The following MACROD2 variants were observed in gnomAD, a reference collection of about 807,000 sequenced individuals.
MACROD2 encodes the protein ADP-ribose glycohydrolase MACROD2.
In MACROD2, 36 loss-of-function variants were observed where a neutral mutation model predicts 70.4. The ratio of observed to expected loss-of-function variants is 0.51; its 90% CI spans 0.39 to 0.68. MACROD2 has a LOEUF of 0.68. Among genes scored for constraint, MACROD2 ranks in the 30% least tolerant of loss-of-function variants. MACROD2 has a pLI of 0.00. For missense variants in MACROD2, 496 were observed against 538.4 expected (o/e 0.92, Z 0.78); for synonymous variants, 172 against 178.8 (o/e 0.96, Z 0.30).
intron 4 of MACROD2, among the ~76,000 whole-genome samples, chr20:14,525,505 A>G (rs991073976): frequency 6.6e-6 from 1 of 152,234 alleles, no homozygotes; most frequent in Non-Finnish European, 1.5e-5. Context: ...CACAGTGAAG[A>G]AGAGTGAGGG....
At chr20:15,091,029 C>A (rs112434774) in intron 5 of MACROD2, among the ~76,000 whole-genome samples, 26 of 152,044 alleles carry the variant, frequency 1.7e-4, no homozygotes, top group African/African-American at 6.0e-4. Context: ...CACCCACCTC[C>A]CCAACTATAG....
chr20:15,005,605 T>C (rs1029155246), intron 5 of MACROD2, among the ~76,000 whole-genome samples: 1 of 152,160 alleles, frequency 6.6e-6, no homozygotes, highest in Admixed American at 6.5e-5. Flanking sequence ...GCTCATCTCC[T>C]TTATCCCCCA....
chr20:15,536,290 C>A (rs1027583747), intron 8 of MACROD2, among the ~76,000 whole-genome samples: 1 of 152,130 alleles, frequency 6.6e-6, no homozygotes, highest in Non-Finnish European at 1.5e-5. Flanking sequence ...TGGTGAAATT[C>A]TTTTTATCAC....
chr20:15,040,659 C>T (rs2075349172), intron 5 of MACROD2, among the ~76,000 whole-genome samples: 1 of 152,172 alleles, frequency 6.6e-6, no homozygotes, highest in Non-Finnish European at 1.5e-5. Flanking sequence ...TACTTTTCTT[C>T]TATGGGTTTA....
intron 8 of MACROD2, among the ~76,000 whole-genome samples, chr20:15,708,029 A>G (rs910703470): frequency 6.6e-6 from 1 of 151,966 alleles, no homozygotes; most frequent in Non-Finnish European, 1.5e-5. Context: ...CAGAAGAAGC[A>G]GAAAATGCAG....
intron 5 of MACROD2, among the ~76,000 whole-genome samples, chr20:15,120,958 G>T (rs189524956): frequency 6.6e-6 from 1 of 152,114 alleles, no homozygotes; most frequent in Non-Finnish European, 1.5e-5. Flanking sequence ...ATCCAGAAGC[G>T]CTGTCGGAAA....
chr20:15,747,313 A>C (rs1600836571), intron 8 of MACROD2, among the ~76,000 whole-genome samples: 1 of 152,176 alleles, frequency 6.6e-6, no homozygotes, highest in African/African-American at 2.4e-5. Flanking sequence ...CAAAGACTGC[A>C]GTGCATTGGC....
At chr20:14,370,915 AAATT>A (rs900807533) in intron 3 of MACROD2, among the ~76,000 whole-genome samples, 19 of 152,204 alleles carry the variant, frequency 1.2e-4, no homozygotes, top group Non-Finnish European at 2.4e-4. Context: ...AAAATACTAA[AAATT>A]AAATAATTAT....
intron 6 of MACROD2, among the ~76,000 whole-genome samples, chr20:15,238,573 G>A (rs1012140584): frequency 2.6e-5 from 4 of 151,964 alleles, no homozygotes; most frequent in Non-Finnish European, 5.9e-5. Context: ...TTCTTTCAAT[G>A]ATTTGGGAAA....
intron 12 of MACROD2, among the ~76,000 whole-genome samples, chr20:15,965,800 G>A (rs992881972): frequency 2.0e-5 from 3 of 152,074 alleles, no homozygotes; most frequent in African/African-American, 7.2e-5. Flanking sequence ...ACATAAGTTA[G>A]ATAACAGTTT....
At chr20:15,852,671 G>A (rs982356666) in intron 8 of MACROD2, among the ~76,000 whole-genome samples, 2 of 152,134 alleles carry the variant, frequency 1.3e-5, no homozygotes, top group African/African-American at 2.4e-5. Context: ...ATCTTTATCC[G>A]TTACACCATC....
At chr20:14,359,409 G>C (rs774850568) in intron 3 of MACROD2, among the ~76,000 whole-genome samples, 7 of 152,142 alleles carry the variant, frequency 4.6e-5, no homozygotes, top group Non-Finnish European at 8.8e-5. Flanking sequence ...ACAGTATGGA[G>C]ATTCCTCAAA....
intron 5 of MACROD2, among the ~76,000 whole-genome samples, chr20:14,753,146 A>G (rs2071896538): frequency 6.6e-6 from 1 of 152,006 alleles, no homozygotes; most frequent in South Asian, 2.1e-4. Context: ...TGTGACAGAA[A>G]ACCCCTGCCT....
Position 14,279,952 on chromosome 20 carries a change from G to C in MACROD2, c.271+194224G>C, listed in dbSNP as rs149496670. 4.2e-4 allele frequency among the ~76,000 whole-genome samples: 64 copies of C among 152,158 alleles called. 1 individual carries two copies. The highest frequency in any genetic ancestry group is 3.9e-3 in the Admixed American group (60 of 15,272). On this transcript the variant is annotated intron_variant, in intron 3 of 17. Coordinates refer to ENST00000684519, the MANE Select transcript of MACROD2 (RefSeq NM_001351661.2). Reference sequence around the variant, plus strand: ...AGAAAATTAAGATTGGCTGTCAGAGGGAAATTTCTATCCTACCCTATGGGA... The same window carrying C: ...AGAAAATTAAGATTGGCTGTCAGAGCGAAATTTCTATCCTACCCTATGGGA...
At chr20:14,988,319 G>T (rs2074867711) in intron 5 of MACROD2, among the ~76,000 whole-genome samples, 1 of 138,804 alleles carries the variant, frequency 7.2e-6, no homozygotes, top group Non-Finnish European at 1.5e-5. Flanking sequence ...AGTAGAGATT[G>T]TGCCACTGTA....
intron 3 of MACROD2, among the ~76,000 whole-genome samples, chr20:14,424,093 A>G (rs1021350989): frequency 6.6e-6 from 1 of 152,062 alleles, no homozygotes; most frequent in Non-Finnish European, 1.5e-5. Context: ...CTAAATTTTT[A>G]TATTGTCCCT....
At chr20:14,798,152 C>T (rs2072532763) in intron 5 of MACROD2, among the ~76,000 whole-genome samples, 2 of 151,916 alleles carry the variant, frequency 1.3e-5, no homozygotes, top group Non-Finnish European at 1.5e-5. Flanking sequence ...TTGTTACCAT[C>T]GATAACTGTA....
At chr20:14,722,550 C>T (rs145338830) in intron 5 of MACROD2, among the ~76,000 whole-genome samples, 24 of 152,324 alleles carry the variant, frequency 1.6e-4, no homozygotes, top group African/African-American at 5.3e-4. Context: ...CTGGCACTTC[C>T]TGTGCTTTTC....
intron 3 of MACROD2, among the ~76,000 whole-genome samples, chr20:14,418,070 T>C (rs2083831295): frequency 6.6e-6 from 1 of 151,880 alleles, no homozygotes; most frequent in Non-Finnish European, 1.5e-5. Context: ...AAATGAAGAC[T>C]CTGTCTCTTA....
Sources: allele counts gnomAD v4.1 joint callset (sites outside exome capture counted in the v4.1 genomes callset), GRCh38; gene constraint gnomAD v4.1.1; transcripts MANE v1.5; gene names NCBI Gene and HGNC (gene_info 2026-07-23, HGNC 2026-07-21).